Variants in PCNX1 observed in about 807,000 individuals in gnomAD.
The protein encoded by PCNX1 is pecanex-like protein 1.
In PCNX1, 78 loss-of-function variants were observed where a neutral mutation model predicts 242.2. That is an observed-to-expected ratio of 0.32 (90% CI 0.27 to 0.39). The LOEUF is 0.39. Among genes scored for constraint, PCNX1 ranks in the 10% least tolerant of loss-of-function variants. The probability of loss-of-function intolerance (pLI) is 1.00; values close to 1 mark genes in which losing one functional copy is unlikely to be tolerated. For missense variants in PCNX1, 2,581 were observed against 2,856.5 expected, an observed-to-expected ratio of 0.90 and a Z score of 2.20; for synonymous variants, 1,024 against 1,032.9, an observed-to-expected ratio of 0.99 and a Z score of 0.17.
At chr14:70,927,439 G>A (rs1221528600) in intron 1 of PCNX1, among the ~76,000 whole-genome samples, 1 of 152,118 alleles carries the variant, frequency 6.6e-6, no homozygotes, top group East Asian at 1.9e-4. Context: ...GCATGCAATA[G>A]TATCATTCTG....
chr14:71,063,249 ATTC>A (rs1172733823), intron 26 of PCNX1, among the ~76,000 whole-genome samples: 1 of 152,158 alleles, frequency 6.6e-6, no homozygotes, highest in Non-Finnish European at 1.5e-5. Context: ...TCTGTTGCAT[ATTC>A]TTCTTTGTTG....
intron 5 of PCNX1, among the ~76,000 whole-genome samples, chr14:70,972,388 C>G (rs539629072): frequency 7.2e-5 from 11 of 152,108 alleles, no homozygotes; most frequent in African/African-American, 2.7e-4. Flanking sequence ...GTTTTAGATT[C>G]AGGAGTTGTC....
chr14:70,994,396 G>GATAGATAGATAGATATATAT (rs1555357306), intron 7 of PCNX1, among the ~76,000 whole-genome samples: 1 of 96,972 alleles, frequency 1.0e-5, no homozygotes, highest in African/African-American at 3.8e-5. Context: ...ACAGGCTTAA[G>GATAGATAGATAGATATATAT]ATATATATAT....
At chr14:70,980,907 C>T (rs2058819778) in intron 6 of PCNX1, among the ~76,000 whole-genome samples, 1 of 151,840 alleles carries the variant, frequency 6.6e-6, no homozygotes, top group East Asian at 1.9e-4. Context: ...ATGAAGGTGT[C>T]GATAAGTTCT....
chr14:71,061,479 C>T (rs1051178991), intron 26 of PCNX1, among the ~76,000 whole-genome samples: 2 of 152,164 alleles, frequency 1.3e-5, no homozygotes, highest in African/African-American at 4.8e-5. Flanking sequence ...GTATTTCTGC[C>T]TCCAAACACC....
chr14:71,066,345 A>G (rs1272225966), intron 26 of PCNX1, among the ~76,000 whole-genome samples: 2 of 152,140 alleles, frequency 1.3e-5, no homozygotes, highest in East Asian at 3.8e-4. Flanking sequence ...TGTAAGTTGT[A>G]TTCCTAGGTA....
At chr14:70,988,391 CAG>C (rs1285261867) in intron 6 of PCNX1, among the ~76,000 whole-genome samples, 174 bp from the exon 7 acceptor site, 1 of 152,094 alleles carries the variant, frequency 6.6e-6, no homozygotes, top group South Asian at 2.1e-4. Flanking sequence ...AAATAAATGA[CAG>C]ATACTTTTTG....
At chr14:71,054,773 C>T (rs1431824944) in intron 24 of PCNX1, among the ~76,000 whole-genome samples, 1 of 152,162 alleles carries the variant, frequency 6.6e-6, no homozygotes, top group Non-Finnish European at 1.5e-5. Context: ...TTTTGCCATA[C>T]AGAGTATTAA....
chr14:71,080,423 G>A (rs1038488331), intron 28 of PCNX1, among the ~76,000 whole-genome samples: 1 of 152,192 alleles, frequency 6.6e-6, no homozygotes, highest in African/African-American at 2.4e-5. Flanking sequence ...GTCTGTGGTA[G>A]CTTGATGGGG....
At chr14:71,014,482 A>G (rs1036099916) in intron 11 of PCNX1, among the ~76,000 whole-genome samples, 1 of 152,236 alleles carries the variant, frequency 6.6e-6, no homozygotes, top group African/African-American at 2.4e-5. Flanking sequence ...TAAAACAGTT[A>G]TAACTGCTTT....
intron 2 of PCNX1, among the ~76,000 whole-genome samples, chr14:70,951,525 C>G (rs2057778446): frequency 6.6e-6 from 1 of 151,908 alleles, no homozygotes; most frequent in African/African-American, 2.4e-5. Flanking sequence ...CAGGCATGCA[C>G]CACCACGCCC....
At chr14:71,029,923 A>G (rs2060336242) in intron 16 of PCNX1, among the ~76,000 whole-genome samples, 1 of 152,206 alleles carries the variant, frequency 6.6e-6, no homozygotes, top group Non-Finnish European at 1.5e-5. Flanking sequence ...TGTGTTAGAG[A>G]TGCTCATTTG....
intron 6 of PCNX1, among the ~76,000 whole-genome samples, chr14:70,982,970 G>A (rs936679062): frequency 6.6e-6 from 1 of 152,180 alleles, no homozygotes; most frequent in Non-Finnish European, 1.5e-5. Flanking sequence ...CCTAATGACT[G>A]TAGAAATGTG....
intron 30 of PCNX1, among the ~76,000 whole-genome samples, chr14:71,096,373 A>C (rs886470376): frequency 6.6e-6 from 1 of 152,180 alleles, no homozygotes; most frequent in Non-Finnish European, 1.5e-5. Flanking sequence ...TAGGAGGCTA[A>C]GGTGAGAGGA....
chr14:71,072,818 A>G (rs2061617352), intron 26 of PCNX1, among the ~76,000 whole-genome samples: 2 of 152,164 alleles, frequency 1.3e-5, no homozygotes, highest in South Asian at 2.1e-4. Context: ...GTCTCATTCT[A>G]TATTTAATCT....
chr14:71,033,614 C>T (rs1183912613), intron 17 of PCNX1, 76 bp downstream of exon 17: 10 of 789,262 alleles, frequency 1.3e-5, no homozygotes. Flanking sequence ...CTTTGAAGAT[C>T]TCTTTTTCCC....
At chr14:70,936,204 A>G (rs1222269807) in intron 1 of PCNX1, among the ~76,000 whole-genome samples, 1 of 152,164 alleles carries the variant, frequency 6.6e-6, no homozygotes, top group East Asian at 1.9e-4. Context: ...ATATGTATAC[A>G]TGTGCCATGT....
intron 22 of PCNX1, chr14:71,049,206 A>G (rs2060950947): frequency 4.1e-6 from 2 of 492,194 alleles, no homozygotes; most frequent in East Asian, 1.5e-4. Context: ...GATTTTCTTA[A>G]TACTTTTTAT....
At chr14:71,040,903 T>C (rs1201738468) in intron 19 of PCNX1, among the ~76,000 whole-genome samples, 1 of 152,148 alleles carries the variant, frequency 6.6e-6, no homozygotes, top group Non-Finnish European at 1.5e-5. Context: ...TTTGTTTTAA[T>C]TTTTAGCTCC....
Sources: allele counts gnomAD v4.1 joint callset (sites outside exome capture counted in the v4.1 genomes callset), GRCh38; gene constraint gnomAD v4.1.1; transcripts MANE v1.5; gene names NCBI Gene and HGNC (gene_info 2026-07-23, HGNC 2026-07-21).